Variants in DPP6 observed in about 807,000 individuals in gnomAD.
DPP6 encodes dipeptidyl peptidase like 6.
A neutral mutation model predicts 122.6 loss-of-function variants in DPP6; 69 were observed. That is an observed-to-expected ratio of 0.56 (90% CI 0.46 to 0.69). DPP6 has a LOEUF of 0.69. Among genes scored for constraint, DPP6 ranks in the 30% least tolerant of loss-of-function variants. The probability of loss-of-function intolerance (pLI) is 0.00; values close to 1 mark genes in which losing one functional copy is unlikely to be tolerated. For missense variants in DPP6, 928 were observed against 1,116.9 expected, an observed-to-expected ratio of 0.83 and a Z score of 2.41; for synonymous variants, 418 against 433.1, an observed-to-expected ratio of 0.97 and a Z score of 0.43.
intron 21 of DPP6, chr7:154,883,610 C>CACACGATTA: frequency 9.5e-6 from 1 of 104,814 alleles, no homozygotes; most frequent in South Asian, 3.0e-4. Flanking sequence ...ACATGCTCAC[C>CACACGATTA]CATAAACATG....
At chr7:153,979,830 T>G (rs1370728372) in intron 1 of DPP6, among the ~76,000 whole-genome samples, 1 of 152,236 alleles carries the variant, frequency 6.6e-6, no homozygotes, top group African/African-American at 2.4e-5. Context: ...TGATTCTGTT[T>G]ATGTGATGTA....
the DPP6 span, among the ~76,000 whole-genome samples, chr7:153,876,357 C>A: frequency 1.3e-5 from 2 of 151,500 alleles, no homozygotes; most frequent in African/African-American, 4.9e-5. Flanking sequence ...ATATTCTATC[C>A]AATATGTATA....
In DPP6 at chr7:154,052,947, C is replaced by G. The variant is rs1401359876; in HGVS notation, c.127C>G (p.Pro43Ala). Reference sequence around the variant, plus strand: ...GGAGGACGGCGGCGCAGGAGCCAAGCCCCTCGGCCCGCGGGCGCAGGCGGC... The same window carrying G: ...GGAGGACGGCGGCGCAGGAGCCAAGGCCCTCGGCCCGCGGGCGCAGGCGGC... ...PEEDGGAGAKPLGPRAQAAAP... is the reference protein window; with the variant it reads ...PEEDGGAGAKALGPRAQAAAP... The change falls in exon 1 of 26, where the codon CCC (proline) becomes GCC (alanine). Residue 43 changes from proline (P) to alanine (A), a missense_variant. Transcript: ENST00000377770. The surrounding 1 kb of genome is among the most constrained non-coding windows in gnomAD (Gnocchi z 4.8). 1.4e-5 allele frequency: 17 copies of G among 1,236,032 alleles called. No individual in the cohort carries two copies. Among genetic ancestry groups the G allele is most frequent in the Non-Finnish European group, 1.6e-5 (16 of 977,488 alleles). 76.6% of individuals were successfully genotyped at this position (1,236,032 alleles called of 1,614,324 possible).
intron 1 of DPP6, among the ~76,000 whole-genome samples, chr7:154,123,963 C>G (rs1807692653): frequency 6.6e-6 from 1 of 152,034 alleles, no homozygotes; most frequent in Non-Finnish European, 1.5e-5. Context: ...ACGTGCCACC[C>G]ACTCACTATG....
chr7:154,637,728 C>A, intron 5 of DPP6, 93 bp from the exon 6 acceptor site: 1 of 1,345,448 alleles, frequency 7.4e-7, no homozygotes, highest in Non-Finnish European at 1.0e-6. Flanking sequence ...TTTTGGTTCA[C>A]TGATGTTTGT....
At position 154,000,769 on chromosome 7, in the gene DPP6, A is replaced by T. The variant is rs1304750917; in HGVS notation, c.51+113035A>T. On this transcript the variant is annotated intron_variant, in intron 1 of 25. Coordinates refer to the DPP6 transcript ENST00000404039. ...TCGCGTATTCATCTGTGCAATCCAA[A>T]CAGCACTCTATGGCTAGAGGCCACT... Among the ~76,000 whole-genome samples the T allele has an allele frequency of 2.0e-5, 3 of 152,024 alleles. No individual in the cohort carries two copies. In the East Asian group the frequency reaches 5.8e-4, roughly 29 times the overall value.
chr7:154,336,782 G>T (rs538071965), intron 1 of DPP6, among the ~76,000 whole-genome samples: 4 of 152,146 alleles, frequency 2.6e-5, no homozygotes, highest in Non-Finnish European at 5.9e-5. Flanking sequence ...GCGGGAAGTG[G>T]TCGGAGTGGG....
At chr7:154,889,653 A>C (rs13232266) in intron 25 of DPP6, 123 bp downstream of exon 25, 1 of 1,469,344 alleles carries the variant, frequency 6.8e-7, no homozygotes, top group Non-Finnish European at 9.1e-7. Flanking sequence ...GTGGTCGGTG[A>C]TGAGCAAGGT....
chr7:154,799,692 CT>C (rs1261919163), intron 12 of DPP6, among the ~76,000 whole-genome samples: 2 of 152,200 alleles, frequency 1.3e-5, no homozygotes, highest in Admixed American at 1.3e-4. Context: ...AAAAGGGCTC[CT>C]TCTTCACAGA....
At position 154,663,563 on chromosome 7, in the gene DPP6, G is replaced by A. The variant is rs113946358; in HGVS notation, c.681-5797G>A. Among the ~76,000 whole-genome samples the A allele has an allele frequency of 2.1e-4, 7 of 33,154 alleles. 1 individual carries two copies. The highest frequency in any genetic ancestry group is 4.4e-4 in the Admixed American group (1 of 2,290). 21.8% of individuals were successfully genotyped at this position (33,154 alleles called of 152,430 possible). A position where few individuals can be genotyped will look rare whatever the true frequency, so the allele number is the denominator to read the frequency against. On this transcript the variant is annotated intron_variant, in intron 6 of 25. Coordinates refer to ENST00000377770, the MANE Select transcript of DPP6 (RefSeq NM_130797.4). ...TAGTCATGGTGAATCACCATGGTGT[G>A]TTGGCCCTAGTGTTCACGCAGTCAT...
At chr7:153,915,108 G>A (rs1800250991) in intron 1 of DPP6, among the ~76,000 whole-genome samples, 1 of 152,174 alleles carries the variant, frequency 6.6e-6, no homozygotes. Context: ...TGAGTGTCAA[G>A]GGGAAAGCAC....
intron 16 of DPP6, among the ~76,000 whole-genome samples, chr7:154,847,451 T>TG (rs1206958277): frequency 6.6e-6 from 1 of 152,014 alleles, no homozygotes; most frequent in Non-Finnish European, 1.5e-5. Context: ...TGTTATGTCT[T>TG]GTTTTTTTTT....
intron 1 of DPP6, among the ~76,000 whole-genome samples, chr7:153,933,366 G>A (rs1176452981): frequency 6.6e-6 from 1 of 152,186 alleles, no homozygotes; most frequent in Non-Finnish European, 1.5e-5. Flanking sequence ...GCACTCCCAG[G>A]AAGGGAAGGA....
rs563801058 is a variant in DPP6, at chr7:154,465,659, A to G, written c.359-9280A>G. On this transcript the variant is annotated intron_variant, in intron 2 of 25. Coordinates refer to ENST00000377770, the MANE Select transcript of DPP6 (RefSeq NM_130797.4). Reference sequence around the variant, plus strand: ...ATGCAAATCAAAACCACAATGAGATACTATCTCACTGCAGTTAGAATGATG... The same window carrying G: ...ATGCAAATCAAAACCACAATGAGATGCTATCTCACTGCAGTTAGAATGATG... Among the ~76,000 whole-genome samples, 10 of 152,372 alleles carry G rather than the reference A, an allele frequency of 6.6e-5. No homozygotes were observed. The East Asian group carries it at 1.7e-3, about 26-fold the overall frequency.
chr7:153,799,887 C>A, the DPP6 span, among the ~76,000 whole-genome samples: 1 of 152,106 alleles, frequency 6.6e-6, no homozygotes, highest in Non-Finnish European at 1.5e-5. Flanking sequence ...ATTATAAGAA[C>A]CCTAAAGTAT....
rs749561005 is a variant in DPP6 at position 154,613,619 on chromosome 7, CAAAAAAAAAAAAAA to C, written c.628-24181_628-24168del. 3.9e-5 allele frequency among the ~76,000 whole-genome samples: 2 copies of C among 51,848 alleles called. 1 individual carries two copies. The highest frequency in any genetic ancestry group is 6.3e-5 in the Non-Finnish European group (2 of 31,826). 34.0% of individuals were successfully genotyped at this position (51,848 alleles called of 152,430 possible). On this transcript the variant is annotated intron_variant, in intron 5 of 25. Transcript: ENST00000377770. ...GGGCAACAAGAGCGAGACTCTGTCTCAAAAAAAAAAAAAAAAAAAAAAAAAAAAAAAAAAGTAGA... is the reference window on the plus strand; with the variant it reads ...GGGCAACAAGAGCGAGACTCTGTCTCAAAAAAAAAAAAAAAAAAAAGTAGA...
In DPP6 at chr7:154,334,767, G is replaced by C. The variant is rs112985266; in HGVS notation, c.244-111447G>C. Among the ~76,000 whole-genome samples, 690 of 152,192 alleles carry C rather than the reference G, an allele frequency of 4.5e-3. 4 individuals are homozygous for C. Among genetic ancestry groups the C allele is most frequent in the African/African-American group, 0.016 (668 of 41,514 alleles). On this transcript the variant is annotated intron_variant, in intron 1 of 25. Transcript: ENST00000377770. ...AAAAAATAGCCAGGCATGGTGGCAC[G>C]CACCTGTAGTCCCAGCTACTCAGGA...
In DPP6 at chr7:153,899,452, C is replaced by G. The variant is rs181406351; in HGVS notation, c.51+11718C>G. On this transcript the variant is annotated intron_variant, in intron 1 of 25. Coordinates refer to the DPP6 transcript ENST00000404039. Reference sequence around the variant, plus strand: ...GAGGAATGCAATGGATCGTCTCGCTCATCCACCTTTTGCCATTTGTTTGAT... The same window carrying G: ...GAGGAATGCAATGGATCGTCTCGCTGATCCACCTTTTGCCATTTGTTTGAT... Among the ~76,000 whole-genome samples the G allele has an allele frequency of 3.3e-5, 5 of 152,280 alleles. No individual in the cohort carries two copies. The East Asian group carries it at 9.7e-4, about 29-fold the overall frequency.
At chr7:154,684,490 C>CT (rs1205067882) in intron 7 of DPP6, among the ~76,000 whole-genome samples, 3 of 152,180 alleles carry the variant, frequency 2.0e-5, no homozygotes, top group Non-Finnish European at 1.5e-5. Context: ...AAATCAATTA[C>CT]TTTTTTCAAT....
Sources: gnomAD v4.1 joint callset for allele counts (sites outside exome capture counted in the v4.1 genomes callset) on GRCh38, gnomAD v4.1.1 for gene constraint, Gnocchi (gnomAD v3.1) non-coding constraint, MANE v1.5 for transcripts, NCBI Gene and HGNC (gene_info 2026-07-23, HGNC 2026-07-21) for gene names.